The following TEX11 variants were observed in gnomAD, a reference collection of about 807,000 sequenced individuals.
The protein encoded by TEX11 is testis-expressed protein 11.
Under a neutral mutation model 84.4 loss-of-function variants are expected in TEX11, and 7 were observed. That is an observed-to-expected ratio of 0.08 (90% CI 0.05 to 0.16). The LOEUF is 0.16. Among genes scored for constraint, TEX11 ranks in the 10% least tolerant of loss-of-function variants. TEX11 has a pLI of 1.00. For missense variants in TEX11, 551 were observed against 660.5 expected, an observed-to-expected ratio of 0.83 and a Z score of 1.82; for synonymous variants, 264 against 222.8, an observed-to-expected ratio of 1.18 and a Z score of -1.64.
At chrX:70,655,184 A>G (rs755135837) in intron 16 of TEX11, among the ~76,000 whole-genome samples, 6 of 111,658 alleles carry the variant, frequency 5.4e-5, no homozygotes, top group Non-Finnish European at 7.5e-5. Flanking sequence ...CCAGCACCTC[A>G]TCTCAGTAAG....
chrX:70,585,579 G>A (rs942088277), intron 25 of TEX11, among the ~76,000 whole-genome samples: 3 of 111,620 alleles, frequency 2.7e-5, no homozygotes, highest in Admixed American at 9.5e-5. Context: ...AAAGTTGGAG[G>A]GCCAACACTT....
chrX:70,563,922 T>C (rs1175156839), intron 25 of TEX11, among the ~76,000 whole-genome samples: 4 of 112,597 alleles, frequency 3.6e-5, no homozygotes, highest in East Asian at 5.5e-4. Flanking sequence ...GATCTTTGCA[T>C]CTATCATTTA....
intron 9 of TEX11, among the ~76,000 whole-genome samples, chrX:70,777,044 A>AT (rs202131518): frequency 3.6e-4 from 38 of 106,823 alleles, no homozygotes; most frequent in African/African-American, 8.5e-4. Flanking sequence ...TATTATTATT[A>AT]TTATTTTTTT....
At chrX:70,578,713 A>G (rs1407141978) in intron 25 of TEX11, among the ~76,000 whole-genome samples, 1 of 109,806 alleles carries the variant, frequency 9.1e-6, no homozygotes, top group Non-Finnish European at 1.9e-5. Context: ...GACATAAATA[A>G]GAACTTACAT....
intron 9 of TEX11, among the ~76,000 whole-genome samples, chrX:70,761,873 TA>T (rs1450495642): frequency 2.7e-5 from 3 of 110,483 alleles, no homozygotes; most frequent in Non-Finnish European, 3.8e-5. Context: ...ATCAAACTCC[TA>T]AAGCCCAATG....
intron 9 of TEX11, among the ~76,000 whole-genome samples, chrX:70,801,473 C>G (rs2091187010): frequency 9.0e-6 from 1 of 111,534 alleles, no homozygotes; most frequent in Non-Finnish European, 1.9e-5. Context: ...CATGACACTG[C>G]CTTCCAGGAA....
intron 28 of TEX11, among the ~76,000 whole-genome samples, chrX:70,537,208 T>C (rs904368132): frequency 3.6e-5 from 4 of 111,673 alleles, no homozygotes; most frequent in Non-Finnish European, 7.5e-5. Flanking sequence ...GATGAGATCA[T>C]CTAATGGGGA....
intron 13 of TEX11, among the ~76,000 whole-genome samples, chrX:70,684,539 T>C (rs1252914247): frequency 8.9e-6 from 1 of 111,760 alleles, no homozygotes. Context: ...TGAGCCGAGA[T>C]CTCCAGCCTG....
At chrX:70,715,293 G>A (rs765896655) in intron 13 of TEX11, among the ~76,000 whole-genome samples, 7 of 110,736 alleles carry the variant, frequency 6.3e-5, no homozygotes, top group African/African-American at 1.7e-4. Flanking sequence ...TTCTCGAGGT[G>A]TATCTTTGTG....
intron 2 of TEX11, among the ~76,000 whole-genome samples, chrX:70,889,976 CA>C (rs771080591): frequency 9.0e-6 from 1 of 110,958 alleles, no homozygotes; most frequent in Non-Finnish European, 1.9e-5. Flanking sequence ...CCTCTCAAAT[CA>C]AAAGACATAG....
the TEX11 span, among the ~76,000 whole-genome samples, chrX:70,516,314 G>A: frequency 3.6e-5 from 4 of 112,003 alleles, no homozygotes; most frequent in East Asian, 1.1e-3. Context: ...GTAAGGAAGG[G>A]ATCCAGTTTC....
At chrX:70,833,134 G>C (rs1465772199) in intron 8 of TEX11, among the ~76,000 whole-genome samples, 7 of 109,280 alleles carry the variant, frequency 6.4e-5, no homozygotes, top group Non-Finnish European at 1.1e-4. Flanking sequence ...GCCAGGTGTG[G>C]TGGCGCAGGC....
At chrX:70,670,152 G>C (rs1376027977) in intron 16 of TEX11, among the ~76,000 whole-genome samples, 1 of 111,973 alleles carries the variant, frequency 8.9e-6, no homozygotes, top group East Asian at 2.8e-4. Flanking sequence ...AAAATAAAGG[G>C]TAAGTAATAG....
chrX:70,613,946 G>A (rs1220545590), intron 20 of TEX11, among the ~76,000 whole-genome samples: 3 of 111,274 alleles, frequency 2.7e-5, no homozygotes, highest in Non-Finnish European at 3.8e-5. Context: ...TGGGCCAGAA[G>A]AGAACCCATT....
intron 12 of TEX11, among the ~76,000 whole-genome samples, chrX:70,723,255 G>A (rs947335664): frequency 6.3e-5 from 7 of 111,430 alleles, no homozygotes; most frequent in African/African-American, 2.3e-4. Flanking sequence ...TATGGGGAAA[G>A]TTTATGAACA....
intron 16 of TEX11, among the ~76,000 whole-genome samples, chrX:70,666,836 C>G (rs1369803682): frequency 9.0e-6 from 1 of 111,455 alleles, no homozygotes; most frequent in African/African-American, 3.3e-5. Context: ...CTGGAATGCT[C>G]TTTTTCCTCA....
chrX:70,512,710 G>GATGAATGA, the TEX11 span, among the ~76,000 whole-genome samples: 1 of 109,232 alleles, frequency 9.2e-6, no homozygotes, highest in Non-Finnish European at 1.9e-5. Context: ...TGAATGGACA[G>GATGAATGA]ATGAATGAAT....
intron 9 of TEX11, among the ~76,000 whole-genome samples, chrX:70,744,890 T>G (rs1173686261): frequency 9.2e-6 from 1 of 108,276 alleles, no homozygotes; most frequent in Non-Finnish European, 1.9e-5. Context: ...TTTTTTTTTT[T>G]TTGTATTTTT....
rs758943023 is a variant in TEX11, at chrX:70,652,065, C to G, written c.1381-513G>C. Reference sequence around the variant, plus strand: ...AGCCAAAAGTAAACCCACTCCTACCCACATCCCTGGAAAACTGCAAATAAA... The same window carrying G: ...AGCCAAAAGTAAACCCACTCCTACCGACATCCCTGGAAAACTGCAAATAAA... On this transcript the variant is annotated intron_variant, in intron 16 of 29. Transcript: ENST00000374333. 3.6e-5 allele frequency among the ~76,000 whole-genome samples: 4 copies of G among 111,199 alleles called. No homozygotes were observed. In the East Asian group the frequency reaches 1.1e-3, roughly 31 times the overall value.
Sources: allele counts gnomAD v4.1 joint callset (sites outside exome capture counted in the v4.1 genomes callset), GRCh38; gene constraint gnomAD v4.1.1; transcripts MANE v1.5; gene names NCBI Gene and HGNC (gene_info 2026-07-23, HGNC 2026-07-21).